The following MAPK10 variants were observed in gnomAD, a reference collection of about 807,000 sequenced individuals.
The protein encoded by MAPK10 is mitogen-activated protein kinase 10, also known as JNK3 alpha protein kinase.
MAPK10 carries 25 observed loss-of-function variants against 59.3 expected under a neutral mutation model. The ratio of observed to expected loss-of-function variants is 0.42; its 90% CI spans 0.31 to 0.59. MAPK10 has a LOEUF of 0.59. Among genes scored for constraint, MAPK10 ranks in the 20% least tolerant of loss-of-function variants. MAPK10 has a pLI of 0.15. For synonymous variants in MAPK10, 190 were observed against 200.5 expected, an observed-to-expected ratio of 0.95 and a Z score of 0.44; for missense variants, 351 against 568.9, an observed-to-expected ratio of 0.62 and a Z score of 3.90.
chr4:86,185,889 C>T (rs566524058), intron 3 of MAPK10, among the ~76,000 whole-genome samples: 2 of 152,074 alleles, frequency 1.3e-5, no homozygotes, highest in South Asian at 4.2e-4. Flanking sequence ...CTTTGGAATG[C>T]GTACAGTCTG....
chr4:86,593,311 A>G (rs757611343), intron 1 of MAPK10, among the ~76,000 whole-genome samples: 15 of 152,320 alleles, frequency 9.8e-5, no homozygotes, highest in Middle Eastern at 3.4e-3. Context: ...AGGGTCTCAG[A>G]CTAAATTTAT....
chr4:86,320,623 T>C (rs1244973410), intron 2 of MAPK10, among the ~76,000 whole-genome samples: 4 of 152,216 alleles, frequency 2.6e-5, no homozygotes, highest in Admixed American at 1.3e-4. Flanking sequence ...TTCACTGTGA[T>C]GGTAGTTTCT....
chr4:86,125,421 A>T (rs2059918067), intron 4 of MAPK10: 1 of 152,002 alleles, frequency 6.6e-6, no homozygotes, highest in Admixed American at 6.6e-5. Flanking sequence ...TGTTTAAAAC[A>T]ATTTCTAATA....
intron 1 of MAPK10, among the ~76,000 whole-genome samples, chr4:86,477,198 G>C (rs1258994899): frequency 1.3e-5 from 2 of 151,956 alleles, no homozygotes; most frequent in Non-Finnish European, 2.9e-5. Flanking sequence ...TATTTTCAAG[G>C]GCCTGTTTCC....
intron 1 of MAPK10, among the ~76,000 whole-genome samples, chr4:86,370,520 G>T (rs968435680): frequency 2.0e-5 from 3 of 151,942 alleles, no homozygotes; most frequent in African/African-American, 7.2e-5. Context: ...ATTAGAAAAA[G>T]AAATCTGAGA....
intron 1 of MAPK10, among the ~76,000 whole-genome samples, chr4:86,376,474 A>C (rs888642572): frequency 6.6e-6 from 1 of 152,230 alleles, no homozygotes; most frequent in East Asian, 1.9e-4. Flanking sequence ...GAAACTGTGA[A>C]TTACAGATGG....
At chr4:86,264,958 C>T (rs898820731) in intron 2 of MAPK10, among the ~76,000 whole-genome samples, 12 of 137,896 alleles carry the variant, frequency 8.7e-5, no homozygotes, top group Non-Finnish European at 1.5e-4. Flanking sequence ...GTGGAGCCAT[C>T]TCAGCTCACT....
intron 1 of MAPK10, among the ~76,000 whole-genome samples, chr4:86,497,777 T>C (rs527404246): frequency 1.3e-5 from 2 of 152,088 alleles, no homozygotes; most frequent in Non-Finnish European, 2.9e-5. Flanking sequence ...AAATATGAAG[T>C]TGAGAAGATA....
At chr4:86,035,217 A>G (rs1404016490) in intron 11 of MAPK10, among the ~76,000 whole-genome samples, 7 of 151,738 alleles carry the variant, frequency 4.6e-5, no homozygotes, top group Admixed American at 4.6e-4. Flanking sequence ...CTAAAAATAC[A>G]AAAATTAGCC....
At chr4:86,300,253 A>C (rs1441330114) in intron 2 of MAPK10, among the ~76,000 whole-genome samples, 1 of 152,208 alleles carries the variant, frequency 6.6e-6, no homozygotes, top group African/African-American at 2.4e-5. Flanking sequence ...AAGAGTTTTA[A>C]AAGTGAAATG....
intron 4 of MAPK10, among the ~76,000 whole-genome samples, chr4:86,154,566 A>G (rs2067233792): frequency 6.6e-6 from 1 of 152,134 alleles, no homozygotes; most frequent in Non-Finnish European, 1.5e-5. Context: ...AAGAAAAAGT[A>G]TCATAAGCCT....
Position 86,424,093 on chromosome 4 carries a change from T to C in MAPK10, c.-122+28937A>G, listed in dbSNP as rs1190823042. 9.2e-5 allele frequency among the ~76,000 whole-genome samples: 14 copies of C among 152,290 alleles called. 1 individual carries two copies. The highest frequency in any genetic ancestry group is 8.5e-4 in the Admixed American group (13 of 15,308). ...TTAGTCCATGGGCTATTAAATAATA[T>C]GTATGGTGATGTTCTGACAGCTCAT... On this transcript the variant is annotated intron_variant, in intron 1 of 13. Coordinates refer to the MAPK10 transcript ENST00000361569.
chr4:86,047,476 G>A (rs2042719550), intron 11 of MAPK10, among the ~76,000 whole-genome samples: 1 of 152,122 alleles, frequency 6.6e-6, no homozygotes, highest in Admixed American at 6.6e-5. Flanking sequence ...GCCTAAAGGT[G>A]ATATCAGAAA....
At chr4:86,485,462 T>A (rs1361554926) in intron 1 of MAPK10, among the ~76,000 whole-genome samples, 4 of 152,180 alleles carry the variant, frequency 2.6e-5, no homozygotes, top group Non-Finnish European at 4.4e-5. Context: ...GCATTATCCT[T>A]AATAGGTGTT....
chr4:86,107,960 G>A (rs955472362), intron 4 of MAPK10, among the ~76,000 whole-genome samples: 6 of 151,962 alleles, frequency 3.9e-5, no homozygotes, highest in Non-Finnish European at 8.8e-5. Context: ...AGTCTCTTTA[G>A]TAGCTGTGAC....
chr4:86,335,279 T>C (rs1720514358), intron 2 of MAPK10: 1 of 152,182 alleles, frequency 6.6e-6, no homozygotes, highest in East Asian at 1.9e-4. Flanking sequence ...TCAAACTCTA[T>C]TCAAACTAAA....
chr4:86,173,977 G>T (rs1165242764), intron 3 of MAPK10, among the ~76,000 whole-genome samples: 1 of 104,202 alleles, frequency 9.6e-6, no homozygotes, highest in African/African-American at 5.0e-5. Flanking sequence ...AACAATAGAT[G>T]CTGGCAAGGC....
intron 1 of MAPK10, among the ~76,000 whole-genome samples, chr4:86,504,228 G>A (rs951117264): frequency 6.6e-6 from 1 of 152,056 alleles, no homozygotes; most frequent in African/African-American, 2.4e-5. Flanking sequence ...GAGCCTAAAA[G>A]AGCATACTGC....
At chr4:86,153,746 T>C (rs1414866705) in intron 4 of MAPK10, among the ~76,000 whole-genome samples, 1 of 152,184 alleles carries the variant, frequency 6.6e-6, no homozygotes, top group Non-Finnish European at 1.5e-5. Context: ...GTGTGGCCTG[T>C]ACTGTGCAAA....
Sources: allele counts gnomAD v4.1 joint callset (sites outside exome capture counted in the v4.1 genomes callset), GRCh38; gene constraint gnomAD v4.1.1; transcripts MANE v1.5; gene names NCBI Gene and HGNC (gene_info 2026-07-23, HGNC 2026-07-21).